POU3F3: variants seen among roughly 807,000 people sequenced by gnomAD.
POU3F3 encodes POU domain, class 3, transcription factor 3.
POU3F3 carries 1 observed loss-of-function variant against 8.6 expected under a neutral mutation model. That is an observed-to-expected ratio of 0.12 (90% CI 0.04 to 0.55). The LOEUF (loss-of-function observed/expected upper bound fraction) is 0.55. Among genes scored for constraint, POU3F3 ranks in the 20% least tolerant of loss-of-function variants. The probability of loss-of-function intolerance (pLI) is 0.91; values close to 1 mark genes in which losing one functional copy is unlikely to be tolerated. For synonymous variants in POU3F3, 418 were observed against 327.4 expected (o/e 1.28, Z -2.99); for missense variants, 577 against 690.7 (o/e 0.84, Z 1.84).
the POU3F3 span, among the ~76,000 whole-genome samples, chr2:104,891,485 C>T: frequency 2.6e-5 from 4 of 152,044 alleles, no homozygotes; most frequent in African/African-American, 9.7e-5. Context: ...GCATTTTAAC[C>T]AAATATTCGG....
chr2:104,879,547 G>C, the POU3F3 span, among the ~76,000 whole-genome samples: 1 of 152,136 alleles, frequency 6.6e-6, no homozygotes, highest in Non-Finnish European at 1.5e-5. Context: ...GAAGTAAGTT[G>C]CATCCACATT....
the POU3F3 span, among the ~76,000 whole-genome samples, chr2:104,899,646 G>A: frequency 1.3e-5 from 2 of 152,218 alleles, no homozygotes; most frequent in African/African-American, 4.8e-5. Flanking sequence ...AGAGGATGTA[G>A]AACCAATCAA....
At chr2:104,868,506 C>T in the POU3F3 span, 1 of 378,026 alleles carries the variant, frequency 2.6e-6, no homozygotes, top group East Asian at 7.4e-5. Context: ...CGCTGCAGAC[C>T]TCCAACTTCC....
the POU3F3 span, among the ~76,000 whole-genome samples, chr2:104,900,966 C>G: frequency 1.3e-3 from 192 of 152,256 alleles, no homozygotes; most frequent in African/African-American, 4.1e-3. Context: ...TGCTGTCTCC[C>G]CCTGGTTGCC....
the POU3F3 span, among the ~76,000 whole-genome samples, chr2:104,873,422 T>C: frequency 6.6e-6 from 1 of 151,850 alleles, no homozygotes; most frequent in Non-Finnish European, 1.5e-5. Flanking sequence ...CGCGCGCAGC[T>C]CCTCCCGTGA....
chr2:104,919,840 T>TTC, the POU3F3 span, among the ~76,000 whole-genome samples: 1 of 151,028 alleles, frequency 6.6e-6, no homozygotes, highest in Non-Finnish European at 1.5e-5. Flanking sequence ...CCCTCCTCCT[T>TTC]TCTCTCTCTC....
the POU3F3 span, among the ~76,000 whole-genome samples, chr2:104,871,068 A>G: frequency 4.6e-5 from 7 of 152,190 alleles, no homozygotes; most frequent in African/African-American, 1.7e-4. Context: ...AATAGCCATT[A>G]CCCCATCTGA....
the POU3F3 span, among the ~76,000 whole-genome samples, chr2:104,885,501 G>A: frequency 3.9e-4 from 60 of 152,336 alleles, no homozygotes; most frequent in South Asian, 4.1e-3. Context: ...AGAAGGCGAT[G>A]AAAGTGACCT....
chr2:104,863,674 G>A, the POU3F3 span, among the ~76,000 whole-genome samples: 1 of 152,188 alleles, frequency 6.6e-6, no homozygotes, highest in Non-Finnish European at 1.5e-5. Flanking sequence ...GGTCTTCCCG[G>A]ACTGTGGCCC....
At chr2:104,863,464 G>A (rs573033088), downstream of POU3F3, among the ~76,000 whole-genome samples, 8 of 152,208 alleles carry the variant, frequency 5.3e-5, no homozygotes, top group South Asian at 1.2e-3. Context: ...GACGTTTGCG[G>A]ATTTTCCGTT....
At chr2:104,904,745 C>T in the POU3F3 span, among the ~76,000 whole-genome samples, 3 of 152,022 alleles carry the variant, frequency 2.0e-5, no homozygotes, top group East Asian at 1.9e-4. Context: ...ATGTATAGGA[C>T]GATGTATATC....
At chr2:104,926,284 A>G in the POU3F3 span, among the ~76,000 whole-genome samples, 1 of 152,220 alleles carries the variant, frequency 6.6e-6, no homozygotes, top group Non-Finnish European at 1.5e-5. Context: ...CCCATCAAAA[A>G]GTGGGTGAAG....
chr2:104,862,812 T>TA (rs1037465206), downstream of POU3F3, among the ~76,000 whole-genome samples: 8 of 152,280 alleles, frequency 5.3e-5, no homozygotes, highest in African/African-American at 1.7e-4. Context: ...TTCTCATTAA[T>TA]AAAAATGCCA....
the POU3F3 span, among the ~76,000 whole-genome samples, chr2:104,904,737 G>A: frequency 7.0e-4 from 106 of 152,258 alleles, no homozygotes; most frequent in Non-Finnish European, 1.4e-3. Context: ...CACGTCTCAT[G>A]TATAGGACGA....
rs1400822168 is a variant in POU3F3, at chr2:104,855,435, GGCGGCGGCGGCC to G, written c.-70_-59del. ...AGGCGGGGGGCGCGGCGGCGGCGGCGGCGGCGGCGGCCGCGGCTGCTGCTGCGGCGGCGGCGG... is the reference window on the plus strand; with the variant it reads ...AGGCGGGGGGCGCGGCGGCGGCGGCGGCGGCTGCTGCTGCGGCGGCGGCGG... On this transcript the variant is annotated 5_prime_UTR_variant, in exon 1 of 1. Coordinates refer to ENST00000361360, the MANE Select transcript of POU3F3 (RefSeq NM_006236.3). The G allele has an allele frequency of 9.0e-5, 69 of 764,338 alleles. No individual in the cohort carries two copies. The highest frequency in any genetic ancestry group is 1.0e-4 in the Non-Finnish European group (64 of 634,268). The allele number at this position is 764,338 out of a possible 1,614,324, so 47.3% of individuals were successfully genotyped here.
chr2:104,901,320 A>T, the POU3F3 span, among the ~76,000 whole-genome samples: 1 of 152,212 alleles, frequency 6.6e-6, no homozygotes, highest in Non-Finnish European at 1.5e-5. Context: ...ACAAAATGTT[A>T]ATCAGTCCAA....
chr2:104,856,233 C>A lies in POU3F3; in HGVS notation c.723C>A (p.Gly241=). ...TGCTGAGCGCGCCACCGGGGCCCGGCGGCGGCGGCGGCGGCGCGGGCGGTG... is the reference window on the plus strand; with the variant it reads ...TGCTGAGCGCGCCACCGGGGCCCGGAGGCGGCGGCGGCGGCGCGGGCGGTG... ...NGMLSAPPGP[G]GGGGGAGGGA... Residue 241 remains glycine, a synonymous_variant, in exon 1 of 1, where the codon GGC becomes GGA. Coordinates refer to ENST00000361360, the MANE Select transcript of POU3F3 (RefSeq NM_006236.3). The A allele has an allele frequency of 7.1e-6, 9 of 1,269,904 alleles. No individual in the cohort carries two copies. The highest frequency in any genetic ancestry group is 3.0e-5 in the South Asian group (1 of 33,360). The allele number at this position is 1,269,904 out of a possible 1,614,324, so 78.7% of individuals were successfully genotyped here.
At chr2:104,880,274 C>T in the POU3F3 span, among the ~76,000 whole-genome samples, 1 of 152,194 alleles carries the variant, frequency 6.6e-6, no homozygotes, top group African/African-American at 2.4e-5. Context: ...GCCAGATTCT[C>T]CTTCATTCAC....
chr2:104,896,566 A>G, the POU3F3 span, among the ~76,000 whole-genome samples: 48,528 of 152,112 alleles, frequency 0.32, 8,037 homozygotes, highest in Non-Finnish European at 0.38. Context: ...TCCCCTCTCA[A>G]CTTCTTCCAC....
Sources: gnomAD v4.1 joint callset for allele counts (sites outside exome capture counted in the v4.1 genomes callset) on GRCh38, gnomAD v4.1.1 for gene constraint, MANE v1.5 for transcripts, NCBI Gene and HGNC (gene_info 2026-07-23, HGNC 2026-07-21) for gene names.